Variants in RAD54B observed in about 807,000 individuals in gnomAD.
RAD54B encodes the protein RAD54 homolog B, also known as DNA repair and recombination protein RAD54B.
In RAD54B, 78 loss-of-function variants were observed where a neutral mutation model predicts 95.8. That is an observed-to-expected ratio of 0.81 (90% CI 0.68 to 0.98). The LOEUF is 0.98. Ranked by LOEUF, RAD54B falls within the 50% of genes least tolerant of loss-of-function variation. The probability of loss-of-function intolerance (pLI) is 0.00; values close to 1 mark genes in which losing one functional copy is unlikely to be tolerated. For synonymous variants in RAD54B, 328 were observed against 354.9 expected (o/e 0.92, Z 0.85); for missense variants, 957 against 1,056.6 (o/e 0.91, Z 1.31).
At chr8:94,443,443 C>T (rs1420059122) in intron 3 of RAD54B, among the ~76,000 whole-genome samples, 1 of 151,788 alleles carries the variant, frequency 6.6e-6, no homozygotes, top group African/African-American at 2.4e-5. Context: ...CCTGCATATC[C>T]TGCATATGTA....
chr8:94,471,675 G>C (rs1035247670), intron 1 of RAD54B, among the ~76,000 whole-genome samples: 5 of 151,776 alleles, frequency 3.3e-5, no homozygotes, highest in African/African-American at 1.2e-4. Flanking sequence ...ATTATTTCTA[G>C]GTCTGGTTAG....
intron 3 of RAD54B, among the ~76,000 whole-genome samples, chr8:94,447,930 C>T (rs1189557565): frequency 6.6e-6 from 1 of 152,152 alleles, no homozygotes; most frequent in Non-Finnish European, 1.5e-5. Flanking sequence ...CTGGAATTTC[C>T]AGTTATACAT....
intron 3 of RAD54B, among the ~76,000 whole-genome samples, chr8:94,443,471 AAAGTTT>A (rs1260665610): frequency 6.6e-6 from 1 of 152,150 alleles, no homozygotes; most frequent in African/African-American, 2.4e-5. Flanking sequence ...ACTTGAAATA[AAAGTTT>A]AAGAAAAATA....
rs147396183 is a variant in RAD54B at position 94,378,629 on chromosome 8, C to A, written c.2253G>T (p.Met751Ile). 5.0e-5 allele frequency: 81 copies of A among 1,604,268 alleles called. No individual in the cohort carries two copies. The African/African-American group carries it at 9.2e-4, about 18-fold the overall frequency. Reference sequence around the variant, plus strand: ...TCTGACCATCTCTCCATACTCTAGACATTGCCTATAGAAAATAAGTGAGAA... The same window carrying A: ...TCTGACCATCTCTCCATACTCTAGAAATTGCCTATAGAAAATAAGTGAGAA... The part of the protein sequence containing the change: ...DWNPATDIQA[M>I]SRVWRDGQKY... Residue 751 changes from methionine to isoleucine, a missense_variant, in exon 13 of 15, where the codon ATG becomes ATT. By Grantham distance (10) the Met-to-Ile change is conservative (BLOSUM62 1). Coordinates refer to ENST00000336148, the MANE Select transcript of RAD54B (RefSeq NM_012415.3).
chr8:94,372,602 C>T (rs986046380), intron 14 of RAD54B, among the ~76,000 whole-genome samples: 2 of 152,190 alleles, frequency 1.3e-5, no homozygotes, highest in Non-Finnish European at 2.9e-5. Context: ...GAAACACAGG[C>T]ATGGTCTCTG....
intron 4 of RAD54B, among the ~76,000 whole-genome samples, chr8:94,410,422 T>C (rs2130037076): frequency 6.6e-6 from 1 of 152,326 alleles, no homozygotes; most frequent in African/African-American, 2.4e-5. Flanking sequence ...ATCTTTGGTA[T>C]TCCTAGCATA....
chr8:94,407,455 A>G lies in RAD54B; in HGVS notation c.765T>C (p.His255=). The change falls in exon 5 of 15, where the codon CAT becomes CAC. Residue 255 remains histidine (H), a synonymous_variant. Coordinates refer to ENST00000336148, the MANE Select transcript of RAD54B (RefSeq NM_012415.3). The part of the protein sequence containing the change: ...QNDFQNCKPR[H]DPYTPNSLVM... ...AAATCTTACTTGGCGTATATGGGTC[A>G]TGGCGTGGTTTGCAATTTTGGAAAT... The G allele has an allele frequency of 6.2e-7, 1 of 1,613,396 alleles. No homozygotes were observed. The highest frequency in any genetic ancestry group is 8.5e-7 in the Non-Finnish European group (1 of 1,179,386).
intron 3 of RAD54B, among the ~76,000 whole-genome samples, chr8:94,416,765 C>T (rs1341570682): frequency 2.0e-5 from 3 of 151,988 alleles, no homozygotes; most frequent in Non-Finnish European, 4.4e-5. Context: ...AAATCAAAAC[C>T]CTCATACCCT....
In RAD54B at chr8:94,404,254, A is replaced by G. The variant is rs780606515; in HGVS notation, c.782-15T>C. On this transcript the variant is annotated splice_polypyrimidine_tract_variant and intron_variant, in intron 5 of 14. Transcript: ENST00000336148. Reference sequence around the variant, plus strand: ...AACGAGGGAATCTTAAAAAATGATAAAAGTACAAGTATTGTAATTTCACTT... The same window carrying G: ...AACGAGGGAATCTTAAAAAATGATAGAAGTACAAGTATTGTAATTTCACTT... 1 of 1,575,688 alleles carries G rather than the reference A, an allele frequency of 6.3e-7. No homozygotes were observed. Among genetic ancestry groups the G allele is most frequent in the Non-Finnish European group, 8.6e-7 (1 of 1,161,892 alleles).
chr8:94,386,576 T>TTGTG (rs764988413), intron 11 of RAD54B, among the ~76,000 whole-genome samples: 3 of 138,480 alleles, frequency 2.2e-5, no homozygotes, highest in Non-Finnish European at 3.3e-5. Flanking sequence ...CATGGTATGG[T>TTGTG]TGTGTGTGTG....
In RAD54B at chr8:94,458,966, G is replaced by C. The variant is rs547914938; in HGVS notation, c.136-530C>G. On this transcript the variant is annotated intron_variant, in intron 2 of 14. Coordinates refer to ENST00000336148, the MANE Select transcript of RAD54B (RefSeq NM_012415.3). Reference sequence around the variant, plus strand: ...CTAAAACTGAATGATATGACAGAATGAAAAATTATGCTTATAATTATAGTG... The same window carrying C: ...CTAAAACTGAATGATATGACAGAATCAAAAATTATGCTTATAATTATAGTG... Among the ~76,000 whole-genome samples the C allele has an allele frequency of 9.9e-5, 15 of 152,142 alleles. No individual in the cohort carries two copies. In the South Asian group the frequency reaches 2.9e-3, roughly 29 times the overall value.
chr8:94,407,862 T>C (rs1373443882), intron 4 of RAD54B, 142 bp from the exon 5 acceptor site: 10 of 593,974 alleles, frequency 1.7e-5, no homozygotes, highest in African/African-American at 5.7e-5. Context: ...ATTTAACATT[T>C]TGGTTAAAAA....
Position 94,372,055 on chromosome 8 carries a change from A to G in RAD54B, c.*115T>C. 7.0e-7 allele frequency: 1 copy of G among 1,434,618 alleles called. No homozygotes were observed. Among genetic ancestry groups the G allele is most frequent in the South Asian group, 1.5e-5 (1 of 66,106 alleles). The allele number at this position is 1,434,618 out of a possible 1,614,324, so 88.9% of individuals were successfully genotyped here. On this transcript the variant is annotated 3_prime_UTR_variant, in exon 15 of 15. Coordinates refer to ENST00000336148, the MANE Select transcript of RAD54B (RefSeq NM_012415.3). ...TTTTGACTATTGTATCAAAAGTGAT[A>G]TATTTTGCAACATATACTGTAATTT...
At chr8:94,389,082 G>A (rs992938584) in intron 10 of RAD54B, among the ~76,000 whole-genome samples, 3 of 152,164 alleles carry the variant, frequency 2.0e-5, no homozygotes, top group African/African-American at 7.2e-5. Context: ...AACAGAAGGT[G>A]TCTGGTGAAT....
At chr8:94,381,121 G>A (rs556998284) in intron 11 of RAD54B, among the ~76,000 whole-genome samples, 334 of 115,298 alleles carry the variant, frequency 2.9e-3, no homozygotes, top group African/African-American at 8.2e-3. Flanking sequence ...GCAAGGCCCT[G>A]TCTTTTAAAA....
Position 94,400,312 on chromosome 8 carries a change from A to C in RAD54B, c.1096T>G (p.Leu366Val). ...KKTLIVTPGS[L>V]VNNWKKEFQK... ...AATTCTTTCTTCCAATTATTCACCA[A>C]GCTTCCAGGTGTGACAATTAGTGTC... Residue 366 changes from leucine (L) to valine (V), a missense_variant, in exon 7 of 15, where the codon TTG becomes GTG. By Grantham distance (32) the Leu-to-Val change is conservative. Coordinates refer to ENST00000336148, the MANE Select transcript of RAD54B (RefSeq NM_012415.3). 6.2e-7 allele frequency: 1 copy of C among 1,613,772 alleles called. No homozygotes were observed. Among genetic ancestry groups the C allele is most frequent in the South Asian group, 1.1e-5 (1 of 91,064 alleles).
Position 94,378,577 on chromosome 8 carries a change from G to A in RAD54B, c.2305C>T (p.Leu769=). 1 of 1,606,054 alleles carries A rather than the reference G, an allele frequency of 6.2e-7. No homozygotes were observed. The highest frequency in any genetic ancestry group is 8.5e-7 in the Non-Finnish European group (1 of 1,175,624). The change falls in exon 13 of 15, where the codon CTA becomes TTA. Residue 769 remains leucine, a synonymous_variant. Transcript: ENST00000336148. ...QKYPVHIYRL[L]TTGTIEEKIY... The stretch of plus-strand genomic sequence containing the variant: ...ACTGAAGGGTTGTTACCTGTAGTTA[G>A]GAGTCTGTAAATATGTACAGGATAT...
chr8:94,450,665 G>C (rs542307120), intron 3 of RAD54B, among the ~76,000 whole-genome samples: 1 of 151,992 alleles, frequency 6.6e-6, no homozygotes, highest in Non-Finnish European at 1.5e-5. Flanking sequence ...AAATCACTTG[G>C]AGCCAGGAGT....
chr8:94,450,820 CAA>C (rs34479705), intron 3 of RAD54B, among the ~76,000 whole-genome samples: 2 of 130,524 alleles, frequency 1.5e-5, no homozygotes, highest in Non-Finnish European at 1.7e-5. Flanking sequence ...GAGACTGTCT[CAA>C]AAAAAAAAAA....
Sources: allele counts gnomAD v4.1 joint callset (sites outside exome capture counted in the v4.1 genomes callset), GRCh38; gene constraint gnomAD v4.1.1; transcripts MANE v1.5; gene names NCBI Gene and HGNC (gene_info 2026-07-23, HGNC 2026-07-21).